RAB3C: variants seen among roughly 807,000 people sequenced by gnomAD.
The protein encoded by RAB3C is ras-related protein Rab-3C.
RAB3C carries 17 observed loss-of-function variants against 26.4 expected under a neutral mutation model. That is an observed-to-expected ratio of 0.64 (90% CI 0.44 to 0.97). RAB3C has a LOEUF of 0.97. RAB3C is among the 50% of genes least tolerant of loss of function. The pLI is 0.00. For missense variants in RAB3C, 242 were observed against 281.9 expected, an observed-to-expected ratio of 0.86 and a Z score of 1.01; for synonymous variants, 91 against 95.9, an observed-to-expected ratio of 0.95 and a Z score of 0.30.
At chr5:58,653,029 TG>T (rs1442709778) in intron 2 of RAB3C, among the ~76,000 whole-genome samples, 1 of 152,192 alleles carries the variant, frequency 6.6e-6, no homozygotes, top group African/African-American at 2.4e-5. Context: ...TGTGCAGGTT[TG>T]TTACATAGGT....
chr5:58,730,739 T>C (rs1740997617), intron 3 of RAB3C, among the ~76,000 whole-genome samples: 1 of 152,136 alleles, frequency 6.6e-6, no homozygotes, highest in Admixed American at 6.6e-5. Context: ...TAAAGTTCCC[T>C]TTTCAAAAAA....
intron 3 of RAB3C, among the ~76,000 whole-genome samples, chr5:58,748,263 GC>G: frequency 6.6e-6 from 1 of 152,200 alleles, no homozygotes; most frequent in East Asian, 1.9e-4. Flanking sequence ...ACCCTTTAAA[GC>G]TTAAAACTGT....
At chr5:58,722,188 G>T (rs1211377582) in intron 2 of RAB3C, among the ~76,000 whole-genome samples, 1 of 151,826 alleles carries the variant, frequency 6.6e-6, no homozygotes, top group East Asian at 1.9e-4. Context: ...ACTGGAAGAG[G>T]TCAAGAAGGA....
intron 2 of RAB3C, among the ~76,000 whole-genome samples, chr5:58,636,676 G>T (rs939089616): frequency 6.6e-6 from 1 of 152,140 alleles, no homozygotes; most frequent in African/African-American, 2.4e-5. Context: ...GGAACAAAAT[G>T]TGCCTGACCA....
chr5:58,633,146 T>C (rs1000945868), intron 2 of RAB3C, among the ~76,000 whole-genome samples: 3 of 152,196 alleles, frequency 2.0e-5, no homozygotes, highest in African/African-American at 7.2e-5. Flanking sequence ...AACTGACCTG[T>C]TTTCAGCAGG....
intron 3 of RAB3C, among the ~76,000 whole-genome samples, chr5:58,760,238 T>C (rs1741770242): frequency 2.0e-5 from 3 of 152,188 alleles, no homozygotes; most frequent in African/African-American, 7.2e-5. Flanking sequence ...ATGAAAAATT[T>C]AGCCTCTTAC....
intron 4 of RAB3C, among the ~76,000 whole-genome samples, chr5:58,841,703 G>A (rs1743879463): frequency 6.6e-6 from 1 of 152,114 alleles, no homozygotes; most frequent in Non-Finnish European, 1.5e-5. Context: ...GGGGGCTGGT[G>A]GGGATCATTT....
intron 2 of RAB3C, among the ~76,000 whole-genome samples, chr5:58,679,788 G>T (rs1561287182): frequency 6.6e-6 from 1 of 152,154 alleles, no homozygotes; most frequent in East Asian, 1.9e-4. Context: ...GAATTATTCA[G>T]CAAAATCATG....
chr5:58,595,881 G>C (rs1386678948), intron 1 of RAB3C, among the ~76,000 whole-genome samples: 1 of 152,088 alleles, frequency 6.6e-6, no homozygotes. Flanking sequence ...TTTACATTTT[G>C]TTGCTAAGAG....
chr5:58,748,188 G>A (rs760577312), intron 3 of RAB3C, among the ~76,000 whole-genome samples: 3 of 152,044 alleles, frequency 2.0e-5, no homozygotes, highest in South Asian at 2.1e-4. Flanking sequence ...AATTTCAAGG[G>A]GGGGGAAATG....
chr5:58,624,330 AG>A (rs1423810487), intron 2 of RAB3C, among the ~76,000 whole-genome samples: 4 of 152,164 alleles, frequency 2.6e-5, no homozygotes, highest in Admixed American at 2.6e-4. Context: ...AACAATGGGA[AG>A]GGGAAGCCTA....
At chr5:58,606,313 A>C (rs1746568765) in intron 1 of RAB3C, among the ~76,000 whole-genome samples, 2 of 152,172 alleles carry the variant, frequency 1.3e-5, no homozygotes, top group Admixed American at 1.3e-4. Context: ...GCAGTCTGAG[A>C]TTGACCTGCA....
chr5:58,819,784 C>T (rs1198959092), intron 3 of RAB3C, among the ~76,000 whole-genome samples: 5 of 152,020 alleles, frequency 3.3e-5, no homozygotes, highest in African/African-American at 9.7e-5. Flanking sequence ...GAGGCTGTGG[C>T]GTGAGAATTG....
intron 3 of RAB3C, among the ~76,000 whole-genome samples, chr5:58,800,398 G>A (rs892004674): frequency 6.6e-6 from 1 of 152,146 alleles, no homozygotes; most frequent in Admixed American, 6.5e-5. Context: ...TAGCAATTTT[G>A]TTCTTTATAG....
intron 2 of RAB3C, among the ~76,000 whole-genome samples, chr5:58,618,427 A>G (rs1246255142): frequency 6.6e-6 from 1 of 152,210 alleles, no homozygotes; most frequent in Non-Finnish European, 1.5e-5. Context: ...CTATGTTTAT[A>G]TATGCAAATA....
chr5:58,708,072 C>G (rs577739247), intron 2 of RAB3C, among the ~76,000 whole-genome samples: 9 of 151,526 alleles, frequency 5.9e-5, no homozygotes, highest in African/African-American at 1.7e-4. Flanking sequence ...CTCACTGTAG[C>G]CTCAAACTCC....
intron 1 of RAB3C, 105 bp downstream of exon 1, chr5:58,583,337 C>G: frequency 6.3e-7 from 1 of 1,576,120 alleles, no homozygotes; most frequent in South Asian, 1.2e-5. Flanking sequence ...TAGGCGGTCA[C>G]CCGCGGAGAT....
chr5:58,678,017 T>C (rs1156297952), intron 2 of RAB3C, among the ~76,000 whole-genome samples: 1 of 151,288 alleles, frequency 6.6e-6, no homozygotes. Flanking sequence ...CGTGTGTGTG[T>C]GTGTTCAAGG....
chr5:58,789,926 A>G (rs1742482987), intron 3 of RAB3C, among the ~76,000 whole-genome samples: 1 of 152,204 alleles, frequency 6.6e-6, no homozygotes, highest in Non-Finnish European at 1.5e-5. Flanking sequence ...GAGCTTTAAA[A>G]AATAGTTACG....
Sources: gnomAD v4.1 joint callset for allele counts (sites outside exome capture counted in the v4.1 genomes callset) on GRCh38, gnomAD v4.1.1 for gene constraint, MANE v1.5 for transcripts, NCBI Gene and HGNC (gene_info 2026-07-23, HGNC 2026-07-21) for gene names.